The following ADAMTS2 variants were observed in gnomAD, a reference collection of about 807,000 sequenced individuals.
ADAMTS2 encodes the protein A disintegrin and metalloproteinase with thrombospondin motifs 2.
Under a neutral mutation model 123.0 loss-of-function variants are expected in ADAMTS2, and 50 were observed. That is an observed-to-expected ratio of 0.41 (90% confidence interval 0.32 to 0.51). ADAMTS2 has a LOEUF of 0.51. Ranked by LOEUF, ADAMTS2 falls within the 20% of genes least tolerant of loss-of-function variation. The pLI, the probability that ADAMTS2 is intolerant of heterozygous loss-of-function variation, is 0.35. For missense variants in ADAMTS2, 1,494 were observed against 1,705.2 expected (o/e 0.88, Z 2.18); for synonymous variants, 678 against 695.4 (o/e 0.98, Z 0.39).
rs776650760 is a variant in ADAMTS2, at chr5:179,114,109, C to G, written c.3394G>C (p.Val1132Leu). ...TLPVPTVAME[V>L]RPSPSTPLEV... ...AGGGGGGTGCTTGGTGATGGCCGCA[C>G]CTCCATGGCTACAGTGGGCACTGGG... is the stretch of plus-strand genomic sequence containing the variant. The change falls in exon 22 of 22, where the codon GTG becomes CTG. Residue 1132 changes from valine (V) to leucine (L), a missense_variant. Physicochemically the swap from Val to Leu is conservative, Grantham distance 32. Transcript: ENST00000251582. 13 of 1,613,944 alleles carry G rather than the reference C, an allele frequency of 8.1e-6. No individual in the cohort carries two copies. The Admixed American group carries it at 2.0e-4, about 25-fold the overall frequency.
chr5:179,320,668 C>G (rs1757143685), intron 2 of ADAMTS2, among the ~76,000 whole-genome samples: 1 of 152,150 alleles, frequency 6.6e-6, no homozygotes, highest in Admixed American at 6.5e-5. Context: ...GGAACCAGCT[C>G]TCATCCCTGC....
At chr5:179,135,859 A>G (rs1396366018) in intron 13 of ADAMTS2, 50 bp downstream of exon 13, 2 of 1,611,202 alleles carry the variant, frequency 1.2e-6, no homozygotes, top group Non-Finnish European at 1.7e-6. Flanking sequence ...AGTACCCAGG[A>G]AGCTGAGACT....
At chr5:179,306,506 C>T (rs897463014) in intron 2 of ADAMTS2, among the ~76,000 whole-genome samples, 4 of 152,144 alleles carry the variant, frequency 2.6e-5, no homozygotes, top group Non-Finnish European at 4.4e-5. Flanking sequence ...AACACAATAC[C>T]GCATCCTGAG....
intron 4 of ADAMTS2, among the ~76,000 whole-genome samples, chr5:179,191,460 C>T (rs1024256728): frequency 2.0e-5 from 3 of 152,202 alleles, no homozygotes; most frequent in Non-Finnish European, 4.4e-5. Flanking sequence ...CGTTTGAGCA[C>T]CACCATGTAA....
In ADAMTS2 at chr5:179,112,124, A is replaced by T. The variant is rs150167831; in HGVS notation, c.*1743T>A. 2.0e-5 allele frequency: 3 copies of T among 152,366 alleles called. No homozygotes were observed. The highest frequency in any genetic ancestry group is 4.8e-5 in the African/African-American group (2 of 41,582). The allele number at this position is 152,366 out of a possible 1,614,324, so 9.4% of individuals were successfully genotyped here. On this transcript the variant is annotated 3_prime_UTR_variant, in exon 22 of 22. Transcript: ENST00000251582. ...GAGCCACCCACATGTGCAGCCTCAG[A>T]CAAACATACTTATTAGCACCTCAAA...
At chr5:179,136,964 C>T (rs540403974) in intron 12 of ADAMTS2, among the ~76,000 whole-genome samples, 5 of 144,824 alleles carry the variant, frequency 3.5e-5, no homozygotes, top group East Asian at 2.0e-4. Flanking sequence ...AGTGAGACTC[C>T]GTCTCAAAAA....
intron 3 of ADAMTS2, among the ~76,000 whole-genome samples, chr5:179,265,028 G>A (rs146533769): frequency 6.6e-6 from 1 of 152,100 alleles, no homozygotes; most frequent in East Asian, 1.9e-4. Context: ...GCAGCATGCC[G>A]GGTGGGGCTG....
chr5:179,148,155 A>G (rs2113237231), intron 10 of ADAMTS2, among the ~76,000 whole-genome samples: 1 of 152,162 alleles, frequency 6.6e-6, no homozygotes, highest in African/African-American at 2.4e-5. Context: ...ACCTTCCCCC[A>G]GCACAGCAGC....
At chr5:179,193,709 G>A (rs10076130) in intron 4 of ADAMTS2, among the ~76,000 whole-genome samples, 30,840 of 152,150 alleles carry the variant, frequency 0.2, 4,834 homozygotes, top group East Asian at 0.48. Context: ...CACCTACTAC[G>A]TGCCAGGCCT....
intron 10 of ADAMTS2, among the ~76,000 whole-genome samples, chr5:179,150,104 C>T (rs1392328504): frequency 6.6e-6 from 1 of 151,914 alleles, no homozygotes; most frequent in Non-Finnish European, 1.5e-5. Context: ...CACACACACA[C>T]ATATGGGGGC....
chr5:179,125,586 TC>T (rs1762839808), intron 18 of ADAMTS2, among the ~76,000 whole-genome samples: 1 of 152,098 alleles, frequency 6.6e-6, no homozygotes, highest in African/African-American at 2.4e-5. Context: ...CAGCACGCTG[TC>T]CTATGTGGCC....
chr5:179,341,823 C>A (rs1269229598), intron 2 of ADAMTS2, among the ~76,000 whole-genome samples: 1 of 152,216 alleles, frequency 6.6e-6, no homozygotes, highest in Non-Finnish European at 1.5e-5. Flanking sequence ...AGCTCCTCTT[C>A]CAACCCCAAT....
rs1358790963 is a variant in ADAMTS2, at chr5:179,225,897, G to A, written c.689-18182C>T. Among the ~76,000 whole-genome samples, 2 of 152,204 alleles carry A rather than the reference G, an allele frequency of 1.3e-5. No individual in the cohort carries two copies. The highest frequency in any genetic ancestry group is 1.5e-5 in the Non-Finnish European group (1 of 68,042). On this transcript the variant is annotated intron_variant, in intron 3 of 21. Transcript: ENST00000251582. This position sits in a 1 kb window ranked among gnomAD's most constrained non-coding sequence, Gnocchi z 4.5. The stretch of plus-strand genomic sequence containing the variant: ...CTCTGTCCTTGCGACAAGGTAGAGG[G>A]TCTAACTGAGCTGGTTAACACAAGC...
intron 3 of ADAMTS2, among the ~76,000 whole-genome samples, chr5:179,227,427 C>G (rs1234065852): frequency 6.6e-6 from 1 of 152,186 alleles, no homozygotes; most frequent in Non-Finnish European, 1.5e-5. Flanking sequence ...GCCACCCTGA[C>G]AGTCAAGGCC....
chr5:179,273,178 C>A (rs1170241577), intron 2 of ADAMTS2, 114 bp from the exon 3 acceptor site: 2 of 1,492,644 alleles, frequency 1.3e-6, no homozygotes, highest in African/African-American at 2.8e-5. Flanking sequence ...TGCCCAGCAC[C>A]CCAGCTGGTG....
At chr5:179,208,678 T>C (rs944896927) in intron 3 of ADAMTS2, among the ~76,000 whole-genome samples, 1 of 152,204 alleles carries the variant, frequency 6.6e-6, no homozygotes, top group Non-Finnish European at 1.5e-5. Flanking sequence ...ACAGCAAGGC[T>C]GGCCAGGCTG....
intron 11 of ADAMTS2, 102 bp downstream of exon 11, chr5:179,139,788 G>A: frequency 1.3e-6 from 2 of 1,543,550 alleles, no homozygotes; most frequent in Non-Finnish European, 1.8e-6. Context: ...TCCAGAACTG[G>A]TGTGCAGCCA....
At position 179,204,807 on chromosome 5, in the gene ADAMTS2, G is replaced by A. The variant is rs57290074; in HGVS notation, c.891+2706C>T. ...AGAGACCCCCCGCTGACCCTCCGCC[G>A]CCGGTCTCCCACGCCCCGGGACTCT... is the stretch of plus-strand genomic sequence containing the variant. On this transcript the variant is annotated intron_variant, in intron 4 of 21. Coordinates refer to ENST00000251582, the MANE Select transcript of ADAMTS2 (RefSeq NM_014244.5). Among the ~76,000 whole-genome samples, 382 of 152,264 alleles carry A rather than the reference G, an allele frequency of 2.5e-3. 2 individuals carry two copies. Among genetic ancestry groups the A allele is most frequent in the African/African-American group, 8.2e-3 (340 of 41,538 alleles).
At chr5:179,237,720 C>A (rs1765563482) in intron 3 of ADAMTS2, among the ~76,000 whole-genome samples, 1 of 152,118 alleles carries the variant, frequency 6.6e-6, no homozygotes, top group Admixed American at 6.5e-5. Flanking sequence ...GGCTCTGGGC[C>A]TCTCTGTGTC....
Sources: gnomAD v4.1 joint callset for allele counts (sites outside exome capture counted in the v4.1 genomes callset) on GRCh38, gnomAD v4.1.1 for gene constraint, Gnocchi (gnomAD v3.1) non-coding constraint, MANE v1.5 for transcripts, NCBI Gene and HGNC (gene_info 2026-07-23, HGNC 2026-07-21) for gene names.